Variants in SLC16A1 observed in about 807,000 individuals in gnomAD.
The protein encoded by SLC16A1 is monocarboxylate transporter 1.
A neutral mutation model predicts 32.2 loss-of-function variants in SLC16A1; 11 were observed. The ratio of observed to expected loss-of-function variants is 0.34; its 90% CI spans 0.21 to 0.56. The LOEUF (loss-of-function observed/expected upper bound fraction) is 0.56. Among genes scored for constraint, SLC16A1 ranks in the 20% least tolerant of loss-of-function variants. SLC16A1 has a pLI of 0.87. For missense variants in SLC16A1, 435 were observed against 615.0 expected (o/e 0.71, Z 3.10); for synonymous variants, 231 against 226.8 (o/e 1.02, Z -0.17).
chr1:112,942,910 T>C (rs967237361), intron 1 of SLC16A1, among the ~76,000 whole-genome samples: 1 of 152,186 alleles, frequency 6.6e-6, no homozygotes, highest in Non-Finnish European at 1.5e-5. Context: ...CAAACTAGCA[T>C]GCAAACTTAA....
chr1:112,930,787 A>T (rs575620026), intron 1 of SLC16A1, among the ~76,000 whole-genome samples: 24 of 151,484 alleles, frequency 1.6e-4, no homozygotes, highest in Admixed American at 3.9e-4. Context: ...TGCAATAGCA[A>T]GATCTTGGCT....
At chr1:112,925,806 T>C (rs1648919140) in intron 2 of SLC16A1, among the ~76,000 whole-genome samples, 1 of 152,242 alleles carries the variant, frequency 6.6e-6, no homozygotes, top group Admixed American at 6.5e-5. Flanking sequence ...TGAATGTACA[T>C]ATATTCAGAA....
rs1444088657 is a variant in SLC16A1 at position 112,912,195 on chromosome 1, A to G, written c.*1696T>C. ...GCCTTACAGCAAAGAAGAGGAAAGG[A>G]GAAATTCAAATGAAAATAAATCATA... On this transcript the variant is annotated 3_prime_UTR_variant, in exon 5 of 5. Transcript: ENST00000369626. 4 of 152,274 alleles carry G rather than the reference A, an allele frequency of 2.6e-5. No homozygotes were observed. Among genetic ancestry groups the G allele is most frequent in the Non-Finnish European group, 5.9e-5 (4 of 68,040 alleles). 9.4% of individuals were successfully genotyped at this position (152,274 alleles called of 1,614,324 possible).
chr1:112,954,355 CAT>C (rs1650004248), intron 1 of SLC16A1, among the ~76,000 whole-genome samples: 1 of 152,194 alleles, frequency 6.6e-6, no homozygotes, highest in South Asian at 2.1e-4. Flanking sequence ...CAAAGACACA[CAT>C]AGTTCCCACC....
intron 2 of SLC16A1, chr1:112,923,873 C>T (rs1447436816): frequency 4.6e-6 from 7 of 1,517,464 alleles, no homozygotes; most frequent in African/African-American, 1.4e-5. Context: ...ACAACGCCAC[C>T]ACCCAGCAGG....
chr1:112,955,229 AAGT>A (rs1417357318), intron 1 of SLC16A1: 1 of 152,110 alleles, frequency 6.6e-6, no homozygotes, highest in Admixed American at 6.5e-5. Context: ...TGTCATGACA[AAGT>A]AATAAAATGT....
intron 2 of SLC16A1, 106 bp from the exon 3 acceptor site, chr1:112,922,239 AATG>A: frequency 1.9e-6 from 2 of 1,036,910 alleles, no homozygotes; most frequent in Non-Finnish European, 2.9e-6. Context: ...AACAAGCAGC[AATG>A]ATAAGAATAT....
At chr1:112,950,554 A>G (rs959533919) in intron 1 of SLC16A1, among the ~76,000 whole-genome samples, 1 of 152,276 alleles carries the variant, frequency 6.6e-6, no homozygotes, top group Non-Finnish European at 1.5e-5. Context: ...GATTAGCAAC[A>G]TGATAGTGTA....
At chr1:112,929,632 A>G (rs1649059743) in intron 1 of SLC16A1, among the ~76,000 whole-genome samples, 1 of 152,098 alleles carries the variant, frequency 6.6e-6, no homozygotes, top group Non-Finnish European at 1.5e-5. Flanking sequence ...GATCACTTGT[A>G]CTCAGGAGTT....
rs1570616152 is a variant in SLC16A1, at chr1:112,913,736, A to T, written c.*155T>A. ...CCTCAAATTCAGGCTATTGGTAAGG[A>T]GTCAAACAAAAATCCCATCAATGAA... On this transcript the variant is annotated 3_prime_UTR_variant, in exon 5 of 5. Coordinates refer to ENST00000369626, the MANE Select transcript of SLC16A1 (RefSeq NM_003051.4). 1.2e-6 allele frequency: 1 copy of T among 861,012 alleles called. No individual in the cohort carries two copies. Among genetic ancestry groups the T allele is most frequent in the East Asian group, 2.4e-5 (1 of 41,056 alleles). 53.3% of individuals were successfully genotyped at this position (861,012 alleles called of 1,614,324 possible).
chr1:112,934,073 G>GA (rs948518609), intron 1 of SLC16A1, among the ~76,000 whole-genome samples: 1 of 151,568 alleles, frequency 6.6e-6, no homozygotes, highest in Admixed American at 6.6e-5. Flanking sequence ...TGTTAAGTAG[G>GA]AAAAAAAAGC....
At chr1:112,938,290 C>G (rs1026567175) in intron 1 of SLC16A1, among the ~76,000 whole-genome samples, 6 of 152,176 alleles carry the variant, frequency 3.9e-5, no homozygotes, top group South Asian at 4.1e-4. Flanking sequence ...GCTATTGCTG[C>G]TAAAGTAGAT....
At position 112,930,398 on chromosome 1, in the gene SLC16A1, A is replaced by G. The variant is rs7520741; in HGVS notation, c.-44-1046T>C. Among the ~76,000 whole-genome samples, 1,263 of 149,234 alleles carry G rather than the reference A, an allele frequency of 8.5e-3. 21 individuals carry two copies. The highest frequency in any genetic ancestry group is 0.029 in the African/African-American group (1,171 of 40,394). On this transcript the variant is annotated intron_variant, in intron 1 of 4. Coordinates refer to ENST00000369626, the MANE Select transcript of SLC16A1 (RefSeq NM_003051.4). ...TGCTGAGTGTTGACTGTGTAAGAGG[A>G]AAAAAAAAAGTGTTTTTCTCCTTCA...
intron 1 of SLC16A1, chr1:112,935,951 A>G (rs985870436): frequency 6.6e-6 from 1 of 152,138 alleles, no homozygotes; most frequent in Non-Finnish European, 1.5e-5. Context: ...TTGTCATGTT[A>G]TCATTCATTC....
rs532440748 is a variant in SLC16A1, at chr1:112,930,871, A to T, written c.-44-1519T>A. On this transcript the variant is annotated intron_variant, in intron 1 of 4. Transcript: ENST00000369626. ...GTAGCTGGGACTACAGGCACACGCCATCACCTTTGACTGATTTTTGTATTT... is the reference window on the plus strand; with the variant it reads ...GTAGCTGGGACTACAGGCACACGCCTTCACCTTTGACTGATTTTTGTATTT... Among the ~76,000 whole-genome samples, 27 of 152,200 alleles carry T rather than the reference A, an allele frequency of 1.8e-4. No homozygotes were observed. In the Middle Eastern group the frequency reaches 0.017, roughly 97 times the overall value.
chr1:112,941,815 C>A (rs527653971), intron 1 of SLC16A1, among the ~76,000 whole-genome samples: 3 of 152,102 alleles, frequency 2.0e-5, no homozygotes, highest in Non-Finnish European at 4.4e-5. Flanking sequence ...ATTTGTGATA[C>A]GTGATGAAAT....
intron 1 of SLC16A1, among the ~76,000 whole-genome samples, chr1:112,948,259 T>G (rs1230547099): frequency 1.3e-5 from 2 of 151,900 alleles, no homozygotes; most frequent in African/African-American, 4.8e-5. Context: ...GAAAAGTTCA[T>G]GTGATCTGAA....
Position 112,928,933 on chromosome 1 carries a change from AT to A in SLC16A1, c.217+158del, listed in dbSNP as rs1649028382. 4.7e-6 allele frequency: 3 copies of A among 635,082 alleles called. No individual in the cohort carries two copies. In the Admixed American group the frequency reaches 8.3e-5, roughly 18 times the overall value. 39.3% of individuals were successfully genotyped at this position (635,082 alleles called of 1,614,324 possible). A position where few individuals can be genotyped will look rare whatever the true frequency, so the allele number is the denominator to read the frequency against. On this transcript the variant is annotated intron_variant, in intron 2 of 4. Transcript: ENST00000369626. ...TACTATAGCAAGAGTTGCTATTGTT[AT>A]CAGGAATGAAAAATGTGACTCTAAA...
chr1:112,921,216 AT>A (rs972380669), intron 3 of SLC16A1, among the ~76,000 whole-genome samples: 1 of 152,080 alleles, frequency 6.6e-6, no homozygotes. Flanking sequence ...ACTGGCAATT[AT>A]TTTTTTAAAA....
Sources: allele counts gnomAD v4.1 joint callset (sites outside exome capture counted in the v4.1 genomes callset), GRCh38; gene constraint gnomAD v4.1.1; transcripts MANE v1.5; gene names NCBI Gene and HGNC (gene_info 2026-07-23, HGNC 2026-07-21).